The following SFMBT2 variants were observed in gnomAD, a reference collection of about 807,000 sequenced individuals.
SFMBT2 encodes scm-like with four MBT domains protein 2.
In SFMBT2, 38 loss-of-function variants were observed where a neutral mutation model predicts 110.1. The ratio of observed to expected loss-of-function variants is 0.35; its 90% confidence interval spans 0.27 to 0.45. The LOEUF (loss-of-function observed/expected upper bound fraction) is 0.45. Ranked by LOEUF, SFMBT2 falls within the 20% of genes least tolerant of loss-of-function variation. The pLI is 1.00. For missense variants in SFMBT2, 1,011 were observed against 1,094.9 expected (o/e 0.92, Z 1.08); for synonymous variants, 425 against 425.4 (o/e 1.00, Z 0.01).
chr10:7,263,955 C>T (rs1218482987), intron 7 of SFMBT2: 1 of 199,220 alleles, frequency 5.0e-6, no homozygotes, highest in Non-Finnish European at 9.0e-6. Context: ...AGATTCCCTC[C>T]TAAGGGTTAA....
chr10:7,382,482 G>A (rs913988326), intron 1 of SFMBT2, among the ~76,000 whole-genome samples: 1 of 152,098 alleles, frequency 6.6e-6, no homozygotes, highest in African/African-American at 2.4e-5. Flanking sequence ...TAAAGGTCTC[G>A]GCGTAGCAAA....
chr10:7,182,605 A>T (rs112563918), intron 16 of SFMBT2, among the ~76,000 whole-genome samples: 4,935 of 151,944 alleles, frequency 0.032, 109 homozygotes, highest in Non-Finnish European at 0.05. Context: ...TTCTCAGCAA[A>T]CTATGGCAAG....
chr10:7,188,257 A>G (rs1201524841), intron 16 of SFMBT2, among the ~76,000 whole-genome samples: 1 of 152,246 alleles, frequency 6.6e-6, no homozygotes, highest in Non-Finnish European at 1.5e-5. Context: ...TATAATATCA[A>G]AAATGAAGAG....
rs1840249633 is a variant in SFMBT2 at position 7,236,223 on chromosome 10, ATATCAATTTT to A, written c.1120+7325_1120+7334del. ...AGCTATAAAAAGATAATATAAGAAAATATCAATTTTTCTAAGTCTATAAATTCAACACAAT... is the reference window on the plus strand; with the variant it reads ...AGCTATAAAAAGATAATATAAGAAAATCTAAGTCTATAAATTCAACACAAT... On this transcript the variant is annotated intron_variant, in intron 9 of 20. Transcript: ENST00000397167. Among the ~76,000 whole-genome samples the A allele has an allele frequency of 2.0e-5, 3 of 152,260 alleles. No homozygotes were observed. The South Asian group carries it at 6.2e-4, about 32-fold the overall frequency.
rs115853518 is a variant in SFMBT2, at chr10:7,371,725, T to G, written c.101-1350A>C. On this transcript the variant is annotated intron_variant, in intron 2 of 20. Transcript: ENST00000397167. ...TTTAGATGATCTTCCTGCAATAATG[T>G]CCAATGGATGCTGATGCTCAACCCA... 6.2e-3 allele frequency among the ~76,000 whole-genome samples: 944 copies of G among 152,228 alleles called. 6 individuals carry two copies. The highest frequency in any genetic ancestry group is 0.022 in the African/African-American group (903 of 41,522).
chr10:7,262,310 T>C (rs1209110029), intron 7 of SFMBT2, among the ~76,000 whole-genome samples: 4 of 152,184 alleles, frequency 2.6e-5, no homozygotes, highest in Non-Finnish European at 5.9e-5. Context: ...AGATCTTCTG[T>C]AGATAAAAGA....
At chr10:7,248,140 G>GA (rs1168129303) in intron 8 of SFMBT2, among the ~76,000 whole-genome samples, 1 of 146,272 alleles carries the variant, frequency 6.8e-6, no homozygotes, top group Non-Finnish European at 1.5e-5. Flanking sequence ...GGGCAGATGA[G>GA]AAAAAACACA....
At chr10:7,375,784 C>T (rs1421672061) in intron 2 of SFMBT2, among the ~76,000 whole-genome samples, 2 of 151,312 alleles carry the variant, frequency 1.3e-5, no homozygotes, top group Non-Finnish European at 2.9e-5. Flanking sequence ...CACACACACA[C>T]ACACACACAC....
intron 2 of SFMBT2, among the ~76,000 whole-genome samples, chr10:7,380,419 T>A (rs1162557730): frequency 6.6e-6 from 1 of 152,258 alleles, no homozygotes; most frequent in Non-Finnish European, 1.5e-5. Context: ...TATAAAGATG[T>A]AATTTCATAA....
chr10:7,323,470 C>CAAAAAAAAAAAAAAAAAAAAAAAAAAAAA (rs34153060), intron 4 of SFMBT2, among the ~76,000 whole-genome samples: 2 of 120,576 alleles, frequency 1.7e-5, no homozygotes, highest in Non-Finnish European at 1.7e-5. Context: ...AAAAAAAAAC[C>CAAAAAAAAAAAAAAAAAAAAAAAAAAAAA]AAAAAAAAAA....
intron 4 of SFMBT2, among the ~76,000 whole-genome samples, chr10:7,298,452 G>A (rs532113173): frequency 5.3e-4 from 81 of 152,252 alleles, no homozygotes; most frequent in African/African-American, 1.4e-3. Context: ...CCCTAGCTCC[G>A]GACAGGCCTA....
chr10:7,357,827 C>T (rs1270553041), intron 4 of SFMBT2, among the ~76,000 whole-genome samples: 1 of 152,242 alleles, frequency 6.6e-6, no homozygotes, highest in African/African-American at 2.4e-5. Flanking sequence ...AAGGCAGACT[C>T]TCCCTAATGA....
In SFMBT2 at chr10:7,314,925, A is replaced by AAG. The variant is rs368054772; in HGVS notation, c.437-28973_437-28972dup. On this transcript the variant is annotated intron_variant, in intron 4 of 20. Transcript: ENST00000397167. ...AGAGAGAAAGAGAAAGAGAAACAGAAAGAGAGAGAGAGAGAAAGAGAAAGA... is the reference window on the plus strand; with the variant it reads ...AGAGAGAAAGAGAAAGAGAAACAGAAAGAGAGAGAGAGAGAGAAAGAGAAAGA... 1.4e-3 allele frequency among the ~76,000 whole-genome samples: 214 copies of AAG among 149,944 alleles called. 1 individual carries two copies. Among genetic ancestry groups the AAG allele is most frequent in the South Asian group, 8.8e-3 (41 of 4,656 alleles).
Position 7,394,477 on chromosome 10 carries a change from T to C in SFMBT2, c.-51-12528A>G, listed in dbSNP as rs538501137. ...TTCCTAGTTCTTCCATATCTGTCAT[T>C]ATTAGGTGATGCCTACTGGTCACAT... On this transcript the variant is annotated intron_variant, in intron 1 of 20. Coordinates refer to ENST00000397167, the MANE Select transcript of SFMBT2 (RefSeq NM_001387889.1). 6.6e-5 allele frequency among the ~76,000 whole-genome samples: 10 copies of C among 151,464 alleles called. No individual in the cohort carries two copies. In the South Asian group the frequency reaches 2.1e-3, roughly 32 times the overall value.
At chr10:7,363,625 C>G (rs868856189) in intron 4 of SFMBT2, among the ~76,000 whole-genome samples, 2 of 152,122 alleles carry the variant, frequency 1.3e-5, no homozygotes, top group African/African-American at 2.4e-5. Context: ...TGATTACAGG[C>G]GTGAGCCACC....
chr10:7,280,315 G>A (rs1050130873), intron 6 of SFMBT2, among the ~76,000 whole-genome samples: 2 of 152,226 alleles, frequency 1.3e-5, no homozygotes, highest in Middle Eastern at 3.4e-3. Context: ...CTAAGTAATA[G>A]TTCAGGCAGA....
chr10:7,243,332 T>G (rs1314030782), intron 9 of SFMBT2, among the ~76,000 whole-genome samples: 1 of 152,140 alleles, frequency 6.6e-6, no homozygotes, highest in Non-Finnish European at 1.5e-5. Flanking sequence ...CGGTAACGGA[T>G]GGGGAAACTC....
intron 1 of SFMBT2, among the ~76,000 whole-genome samples, chr10:7,383,820 C>A (rs1845498811): frequency 6.6e-6 from 1 of 152,150 alleles, no homozygotes; most frequent in Admixed American, 6.5e-5. Flanking sequence ...ATCAGTGATA[C>A]AAGTAACTTA....
At chr10:7,378,622 GTGGATGGA>G (rs754963058) in intron 2 of SFMBT2, among the ~76,000 whole-genome samples, 1 of 125,908 alleles carries the variant, frequency 7.9e-6, no homozygotes, top group African/African-American at 2.9e-5. Flanking sequence ...TGTGGGTTGA[GTGGATGGA>G]TGGGTGGATG....
Sources: gnomAD v4.1 joint callset for allele counts (sites outside exome capture counted in the v4.1 genomes callset) on GRCh38, gnomAD v4.1.1 for gene constraint, MANE v1.5 for transcripts, NCBI Gene and HGNC (gene_info 2026-07-23, HGNC 2026-07-21) for gene names.